The following FZD10 variants were observed in gnomAD, a reference collection of about 807,000 sequenced individuals.
FZD10 encodes the protein frizzled-10.
Under a neutral mutation model 24.4 loss-of-function variants are expected in FZD10, and 14 were observed. The ratio of observed to expected loss-of-function variants is 0.57; its 90% CI spans 0.38 to 0.90. The LOEUF (loss-of-function observed/expected upper bound fraction) is 0.90. Among genes scored for constraint, FZD10 ranks in the 40% least tolerant of loss-of-function variants. The pLI, the probability that FZD10 is intolerant of heterozygous loss-of-function variation, is 0.00. For missense variants in FZD10, 775 were observed against 816.6 expected (o/e 0.95, Z 0.62); for synonymous variants, 381 against 349.1 (o/e 1.09, Z -1.02).
At position 130,163,024 on chromosome 12, in the gene FZD10, C is replaced by G. The variant is rs773696876; in HGVS notation, c.82C>G (p.Arg28Gly). 1 of 1,609,890 alleles carries G rather than the reference C, an allele frequency of 6.2e-7. No individual in the cohort carries two copies. The highest frequency in any genetic ancestry group is 8.5e-7 in the Non-Finnish European group (1 of 1,178,774). The change falls in exon 1 of 1, where the codon CGC becomes GGC. Residue 28 changes from arginine to glycine, a missense_variant. Arg to Gly is a moderately radical substitution (Grantham distance 125). Transcript: ENST00000229030. ...CGCCATCAGCTCCATGGACATGGAG[C>G]GCCCGGGCGACGGCAAATGCCAGCC... Reference protein sequence around the residue: ...CAAISSMDMERPGDGKCQPIE... With the variant: ...CAAISSMDMEGPGDGKCQPIE...
chr12:130,165,512 G>A lies in FZD10; in HGVS notation c.*824G>A, dbSNP rs1871800558. On this transcript the variant is annotated 3_prime_UTR_variant, in exon 1 of 1. Transcript: ENST00000229030. ...GGAAAGGAGGGGGGAAGAGGGAGAA[G>A]GATCATTCAAAAGTTACCCAAAGGG... 6.0e-6 allele frequency: 1 copy of A among 166,980 alleles called. No homozygotes were observed. Among genetic ancestry groups the A allele is most frequent in the Non-Finnish European group, 1.5e-5 (1 of 68,120 alleles). The allele number at this position is 166,980 out of a possible 1,614,324, so 10.3% of individuals were successfully genotyped here.
chr12:130,164,463 G>T lies in FZD10; in HGVS notation c.1521G>T (p.Lys507Asn). ...CCGCCGTGGAGATCTTCATGGTGAA[G>T]ATCTTTATGCTGCTGGTGGTGGGGA... ...SIPAVEIFMV[K>N]IFMLLVVGIT... Residue 507 changes from lysine to asparagine, a missense_variant, in exon 1 of 1, where the codon AAG becomes AAT. Transcript: ENST00000229030. The surrounding 1 kb of genome is among the most constrained non-coding windows in gnomAD (Gnocchi z 5.3). 6.2e-7 allele frequency: 1 copy of T among 1,613,694 alleles called. No homozygotes were observed. Among genetic ancestry groups the T allele is most frequent in the South Asian group, 1.1e-5 (1 of 91,080 alleles).
chr12:130,164,759 T>TTTC lies in FZD10; in HGVS notation c.*83_*85dup. ...GGTGCTTTTCTTGGTTGTGTTTTTC[T>TTTC]TTCTTCTTCTTCTTTTTTTTTTTTT... On this transcript the variant is annotated 3_prime_UTR_variant, in exon 1 of 1. Transcript: ENST00000229030. The surrounding 1 kb of genome is among the most constrained non-coding windows in gnomAD (Gnocchi z 5.3). 3.7e-6 allele frequency: 4 copies of TTTC among 1,081,376 alleles called. No homozygotes were observed. The highest frequency in any genetic ancestry group is 3.9e-6 in the Non-Finnish European group (3 of 777,670). 67.0% of individuals were successfully genotyped at this position (1,081,376 alleles called of 1,614,324 possible). A position where few individuals can be genotyped will look rare whatever the true frequency, so the allele number is the denominator to read the frequency against.
rs370337420 is a variant in FZD10, at chr12:130,164,597, C to A, written c.1655C>A (p.Thr552Asn). 1.2e-6 allele frequency: 2 copies of A among 1,612,844 alleles called. No homozygotes were observed. The highest frequency in any genetic ancestry group is 1.7e-6 in the Non-Finnish European group (2 of 1,179,978). Residue 552 changes from threonine (T) to asparagine (N), a missense_variant, in exon 1 of 1, where the codon ACC becomes AAC. Transcript: ENST00000229030. This position sits in a 1 kb window ranked among gnomAD's most constrained non-coding sequence, Gnocchi z 5.3. The stretch of plus-strand genomic sequence containing the variant: ...CGGAGAAAACCGGCCAGCGTGATCA[C>A]CAGCGGTGGGATTTACAAAAAAGCC... ...KSRRKPASVI[T>N]SGGIYKKAQH...
At position 130,163,729 on chromosome 12, in the gene FZD10, A is replaced by G. The variant is rs2135796183; in HGVS notation, c.787A>G (p.Ile263Val). ...PARFRYPERP[I>V]IFLSMCYCVY... ...CCGCTTCCGCTACCCCGAGCGCCCC[A>G]TCATCTTCCTCTCCATGTGCTACTG... Residue 263 changes from isoleucine to valine, a missense_variant, in exon 1 of 1, where the codon ATC (isoleucine) becomes GTC (valine). Transcript: ENST00000229030. 2 of 1,613,768 alleles carry G rather than the reference A, an allele frequency of 1.2e-6. No individual in the cohort carries two copies. The highest frequency in any genetic ancestry group is 1.3e-5 in the African/African-American group (1 of 75,012).
Position 130,164,747 on chromosome 12 carries a change from G to T in FZD10, c.*59G>T. ...GAGCTAAGATGTGGTGCTTTTCTTGGTTGTGTTTTTCTTTCTTCTTCTTCT... is the reference window on the plus strand; with the variant it reads ...GAGCTAAGATGTGGTGCTTTTCTTGTTTGTGTTTTTCTTTCTTCTTCTTCT... On this transcript the variant is annotated 3_prime_UTR_variant, in exon 1 of 1. Coordinates refer to ENST00000229030, the MANE Select transcript of FZD10 (RefSeq NM_007197.4). This position sits in a 1 kb window ranked among gnomAD's most constrained non-coding sequence, Gnocchi z 5.3. 1.6e-6 allele frequency: 2 copies of T among 1,212,818 alleles called. No individual in the cohort carries two copies. 75.1% of individuals were successfully genotyped at this position (1,212,818 alleles called of 1,614,324 possible). A position where few individuals can be genotyped will look rare whatever the true frequency, so the allele number is the denominator to read the frequency against.
At position 130,164,772 on chromosome 12, in the gene FZD10, T is replaced by C. The variant is rs1254808473; in HGVS notation, c.*84T>C. The stretch of plus-strand genomic sequence containing the variant: ...GTTGTGTTTTTCTTTCTTCTTCTTC[T>C]TTTTTTTTTTTTATAAAAGCAAAAG... On this transcript the variant is annotated 3_prime_UTR_variant, in exon 1 of 1. Coordinates refer to ENST00000229030, the MANE Select transcript of FZD10 (RefSeq NM_007197.4). The surrounding 1 kb of genome is among the most constrained non-coding windows in gnomAD (Gnocchi z 5.3). 2.5e-5 allele frequency: 3 copies of C among 118,072 alleles called. No homozygotes were observed. The highest frequency in any genetic ancestry group is 4.0e-5 in the Non-Finnish European group (3 of 75,246). The allele number at this position is 118,072 out of a possible 1,614,324, so 7.3% of individuals were successfully genotyped here. A position where few individuals can be genotyped will look rare whatever the true frequency, so the allele number is the denominator to read the frequency against.
Position 130,163,677 on chromosome 12 carries a change from C to G in FZD10, c.735C>G (p.Thr245=), listed in dbSNP as rs370397116. 3 of 1,613,586 alleles carry G rather than the reference C, an allele frequency of 1.9e-6. No homozygotes were observed. The highest frequency in any genetic ancestry group is 3.3e-5 in the Admixed American group (2 of 60,034). The change falls in exon 1 of 1, where the codon ACC becomes ACG. Residue 245 remains threonine (T), a synonymous_variant. Transcript: ENST00000229030. ...TGTGCTTCTTCTCCAGCGCCTTCAC[C>G]GTGCTCACCTTCCTCATCGACCCGG... ...AVLCFFSSAF[T]VLTFLIDPAR... is the part of the protein sequence containing the mutation.
chr12:130,164,139 C>T lies in FZD10; in HGVS notation c.1197C>T (p.Leu399=). 3 of 1,614,050 alleles carry T rather than the reference C, an allele frequency of 1.9e-6. No homozygotes were observed. Among genetic ancestry groups the T allele is most frequent in the Non-Finnish European group, 2.5e-6 (3 of 1,180,028 alleles). ...MDVNALTGFV[L]IPLACYLVIG... ...TCAACGCGCTCACCGGCTTCGTGCT[C>T]ATTCCCCTGGCCTGCTACCTGGTCA... The change falls in exon 1 of 1, where the codon CTC becomes CTT. Residue 399 remains leucine (L), a synonymous_variant. Coordinates refer to ENST00000229030, the MANE Select transcript of FZD10 (RefSeq NM_007197.4). This position sits in a 1 kb window ranked among gnomAD's most constrained non-coding sequence, Gnocchi z 5.3.
rs1362835404 is a variant in FZD10 at position 130,164,014 on chromosome 12, G to T, written c.1072G>T (p.Ala358Ser). 7 of 1,613,672 alleles carry T rather than the reference G, an allele frequency of 4.3e-6. No individual in the cohort carries two copies. The highest frequency in any genetic ancestry group is 5.9e-6 in the Non-Finnish European group (7 of 1,180,052). Residue 358 changes from alanine (A) to serine (S), a missense_variant, in exon 1 of 1, where the codon GCC becomes TCC. Ala to Ser is a moderately conservative substitution (Grantham distance 99). Transcript: ENST00000229030. This position sits in a 1 kb window ranked among gnomAD's most constrained non-coding sequence, Gnocchi z 5.3. The part of the protein sequence containing the change: ...EANSSYFHLA[A>S]WAIPAVKTIL... ...CAACAGCAGCTACTTCCACCTGGCA[G>T]CCTGGGCCATCCCGGCGGTGAAGAC... is the stretch of plus-strand genomic sequence containing the variant.
rs865827138 is a variant in FZD10, at chr12:130,162,840, G to C, written c.-103G>C. 23 of 819,462 alleles carry C rather than the reference G, an allele frequency of 2.8e-5. 2 individuals carry two copies. Among genetic ancestry groups the C allele is most frequent in the African/African-American group, 2.7e-4 (15 of 54,736 alleles). The allele number at this position is 819,462 out of a possible 1,614,324, so 50.8% of individuals were successfully genotyped here. A position where few individuals can be genotyped will look rare whatever the true frequency, so the allele number is the denominator to read the frequency against. On this transcript the variant is annotated 5_prime_UTR_variant, in exon 1 of 1. Transcript: ENST00000229030. ...GCCAGGCCGGGCGGGCATGGGCGGG[G>C]GCCCGAGCAGGGGTGGAGAGCCGGG...
In FZD10 at chr12:130,164,926, C is replaced by G. The variant is rs773481239; in HGVS notation, c.*238C>G. ...AGGGAAGCTCCTCCAGTGAAGTAGC[C>G]TCTTGTGTAACTAATTTGTGGTAAA... On this transcript the variant is annotated 3_prime_UTR_variant, in exon 1 of 1. Coordinates refer to ENST00000229030, the MANE Select transcript of FZD10 (RefSeq NM_007197.4). The surrounding 1 kb of genome is among the most constrained non-coding windows in gnomAD (Gnocchi z 5.3). 9.8e-5 allele frequency: 43 copies of G among 440,802 alleles called. No individual in the cohort carries two copies. The Middle Eastern group carries it at 2.5e-3, about 26-fold the overall frequency. The allele number at this position is 440,802 out of a possible 1,614,324, so 27.3% of individuals were successfully genotyped here.
In FZD10 at chr12:130,164,519, A is replaced by G. The variant is rs1593019904; in HGVS notation, c.1577A>G (p.Lys526Arg). 1 of 1,613,364 alleles carries G rather than the reference A, an allele frequency of 6.2e-7. No homozygotes were observed. ...ITSGMWIWTS[K>R]TLQSWQQVCS... ...AGCGGGATGTGGATTTGGACCTCCA[A>G]GACTCTGCAGTCCTGGCAGCAGGTG... The change falls in exon 1 of 1, where the codon AAG becomes AGG. Residue 526 changes from lysine to arginine, a missense_variant. Physicochemically the swap from Lys to Arg is conservative, Grantham distance 26 (BLOSUM62 2). Coordinates refer to ENST00000229030, the MANE Select transcript of FZD10 (RefSeq NM_007197.4). This position sits in a 1 kb window ranked among gnomAD's most constrained non-coding sequence, Gnocchi z 5.3.
In FZD10 at chr12:130,162,851, G is replaced by A; in HGVS notation, c.-92G>A. 1.0e-6 allele frequency: 1 copy of A among 986,122 alleles called. No homozygotes were observed. The highest frequency in any genetic ancestry group is 1.4e-6 in the Non-Finnish European group (1 of 709,938). 61.1% of individuals were successfully genotyped at this position (986,122 alleles called of 1,614,324 possible). On this transcript the variant is annotated 5_prime_UTR_variant, in exon 1 of 1. Transcript: ENST00000229030. ...CGGGCATGGGCGGGGGCCCGAGCAG[G>A]GGTGGAGAGCCGGGGCCAGCAGCAG...
In FZD10 at chr12:130,163,270, T is replaced by A; in HGVS notation, c.328T>A (p.Cys110Ser). ...CCCCATCCCCGCCTGCCGGGTCATG[T>A]GCGAGCAGGCCCGGCTCAAGTGCTC... ...STPIPACRVMCEQARLKCSPI... is the reference protein window; with the variant it reads ...STPIPACRVMSEQARLKCSPI... The change falls in exon 1 of 1, where the codon TGC becomes AGC. Residue 110 changes from cysteine (C) to serine (S), a missense_variant. Physicochemically the swap from Cys to Ser is moderately radical, Grantham distance 112. Transcript: ENST00000229030. The A allele has an allele frequency of 1.2e-6, 2 of 1,613,072 alleles. No homozygotes were observed. The highest frequency in any genetic ancestry group is 1.7e-6 in the Non-Finnish European group (2 of 1,179,966).
rs776258730 is a variant in FZD10, at chr12:130,163,612, A to T, written c.670A>T (p.Lys224Ter). The T allele has an allele frequency of 4.5e-5, 73 of 1,612,522 alleles. No homozygotes were observed. Among genetic ancestry groups the T allele is most frequent in the Non-Finnish European group, 3.4e-6 (4 of 1,179,832 alleles). Residue 224 changes from lysine to a stop codon, truncating the protein, a stop_gained, in exon 1 of 1, where the codon AAG becomes TAG. Transcript: ENST00000229030. LOFTEE classifies it high-confidence loss of function. ...GVDVYWSRED[K>*]RFAVVWLAIW... ...GGACGTGTACTGGAGCCGCGAGGAC[A>T]AGCGCTTCGCAGTGGTCTGGCTGGC...
Position 130,163,001 on chromosome 12 carries a change from C to T in FZD10, c.59C>T (p.Ala20Val), listed in dbSNP as rs1482035419. 3 of 1,592,622 alleles carry T rather than the reference C, an allele frequency of 1.9e-6. No individual in the cohort carries two copies. Among genetic ancestry groups the T allele is most frequent in the Non-Finnish European group, 2.6e-6 (3 of 1,170,610 alleles). Residue 20 changes from alanine (A) to valine (V), a missense_variant, in exon 1 of 1, where the codon GCC becomes GTC. Physicochemically the swap from Ala to Val is moderately conservative, Grantham distance 64 (BLOSUM62 0). Coordinates refer to ENST00000229030, the MANE Select transcript of FZD10 (RefSeq NM_007197.4). Reference sequence around the variant, plus strand: ...CTGCAGGTGATGGGCTCGTGCGCCGCCATCAGCTCCATGGACATGGAGCGC... The same window carrying T: ...CTGCAGGTGATGGGCTCGTGCGCCGTCATCAGCTCCATGGACATGGAGCGC... ...LVLQVMGSCA[A>V]ISSMDMERPG...
Position 130,162,591 on chromosome 12 carries a change from C to T in FZD10, c.-352C>T, listed in dbSNP as rs1248095088. Reference sequence around the variant, plus strand: ...CTGGGCCGGCCTCGGTGTGCCCGCGCCGCCAGCCCGCTCCAGACGCGCCAC... The same window carrying T: ...CTGGGCCGGCCTCGGTGTGCCCGCGTCGCCAGCCCGCTCCAGACGCGCCAC... On this transcript the variant is annotated 5_prime_UTR_variant, in exon 1 of 1. Transcript: ENST00000229030. 1 of 157,566 alleles carries T rather than the reference C, an allele frequency of 6.3e-6. No individual in the cohort carries two copies. Among genetic ancestry groups the T allele is most frequent in the Non-Finnish European group, 1.4e-5 (1 of 71,848 alleles). The allele number at this position is 157,566 out of a possible 1,614,324, so 9.8% of individuals were successfully genotyped here. A position where few individuals can be genotyped will look rare whatever the true frequency, so the allele number is the denominator to read the frequency against.
Position 130,163,501 on chromosome 12 carries a change from C to T in FZD10, c.559C>T (p.Pro187Ser). The change falls in exon 1 of 1, where the codon CCC (proline) becomes TCC (serine). Residue 187 changes from proline (P) to serine (S), a missense_variant. Pro to Ser is a moderately conservative substitution (Grantham distance 74). Transcript: ENST00000229030. ...GGAGCACCCGCTGAAGGACGGGGGC[C>T]CCGGGCGCGGCGGCTGCGACAACCC... ...AQEHPLKDGGPGRGGCDNPGK... is the reference protein window; with the variant it reads ...AQEHPLKDGGSGRGGCDNPGK... The T allele has an allele frequency of 6.3e-7, 1 of 1,588,102 alleles. No individual in the cohort carries two copies. The highest frequency in any genetic ancestry group is 1.3e-5 in the African/African-American group (1 of 74,188).
Sources: allele counts gnomAD v4.1 joint callset, GRCh38; gene constraint gnomAD v4.1.1; non-coding constraint Gnocchi (gnomAD v3.1); transcripts MANE v1.5; gene names NCBI Gene and HGNC (gene_info 2026-07-23, HGNC 2026-07-21).